FANCB: variants seen among roughly 807,000 people sequenced by gnomAD.
FANCB encodes the protein Fanconi anemia group B protein.
A neutral mutation model predicts 38.9 loss-of-function variants in FANCB; 5 were observed. That is an observed-to-expected ratio of 0.13 (90% CI 0.07 to 0.27). The LOEUF (loss-of-function observed/expected upper bound fraction) is 0.27. Among genes scored for constraint, FANCB ranks in the 10% least tolerant of loss-of-function variants. The pLI, the probability that FANCB is intolerant of heterozygous loss-of-function variation, is 1.00. For synonymous variants in FANCB, 236 were observed against 215.4 expected (o/e 1.10, Z -0.84); for missense variants, 573 against 602.7 (o/e 0.95, Z 0.52).
At chrX:14,847,073 G>A (rs888143120) in intron 7 of FANCB, among the ~76,000 whole-genome samples, 2 of 109,882 alleles carry the variant, frequency 1.8e-5, no homozygotes, top group East Asian at 5.7e-4. Flanking sequence ...TAATGCCTTT[G>A]AGTGCTTCAA....
the FANCB span, among the ~76,000 whole-genome samples, chrX:14,696,037 C>T: frequency 7.3e-5 from 8 of 109,691 alleles, no homozygotes; most frequent in African/African-American, 2.0e-4. Context: ...ACAGGTACTT[C>T]GGTTTAACTA....
chrX:14,864,864 G>A lies in FANCB; in HGVS notation c.647C>T (p.Ser216Phe). Residue 216 changes from serine to phenylalanine, a missense_variant, in exon 3 of 10, where the codon TCT (serine) becomes TTT (phenylalanine). By Grantham distance (155) the Ser-to-Phe change is radical. Transcript: ENST00000650831. ...AIWNTKFCVY[S>F]LESQEVLSDI... ...ACTTAATACTTCTTGACTTTCAAGA[G>A]AATATACACAAAATTTGGTATTCCA... 5 of 1,209,166 alleles carry A rather than the reference G, an allele frequency of 4.1e-6. No individual in the cohort carries two copies. Among genetic ancestry groups the A allele is most frequent in the Non-Finnish European group, 5.6e-6 (5 of 893,040 alleles).
the FANCB span, among the ~76,000 whole-genome samples, chrX:14,746,798 A>G: frequency 8.9e-6 from 1 of 112,100 alleles, no homozygotes; most frequent in Non-Finnish European, 1.9e-5. Flanking sequence ...TTGAGTATCA[A>G]ATGTGCCACT....
At chrX:14,811,063 A>C in the FANCB span, among the ~76,000 whole-genome samples, 1 of 111,272 alleles carries the variant, frequency 9.0e-6, no homozygotes, top group African/African-American at 3.3e-5. Context: ...ATCCAGCCAA[A>C]GTAAGCTTCA....
chrX:14,804,831 C>T, the FANCB span, among the ~76,000 whole-genome samples: 26 of 111,637 alleles, frequency 2.3e-4, no homozygotes, highest in African/African-American at 5.9e-4. Flanking sequence ...TGAATCCCTT[C>T]GTAGATTCTT....
chrX:14,799,755 G>T, the FANCB span, among the ~76,000 whole-genome samples: 3 of 111,986 alleles, frequency 2.7e-5, no homozygotes, highest in Non-Finnish European at 3.8e-5. Flanking sequence ...AATGTTAAAG[G>T]TACTTCTGAT....
At chrX:14,713,149 A>T in the FANCB span, among the ~76,000 whole-genome samples, 1 of 112,021 alleles carries the variant, frequency 8.9e-6, no homozygotes, top group Admixed American at 9.4e-5. Context: ...AGAATCATCC[A>T]AGTTAGTAAA....
chrX:14,793,316 A>G, the FANCB span, among the ~76,000 whole-genome samples: 350 of 112,320 alleles, frequency 3.1e-3, 1 homozygote, highest in African/African-American at 0.01. Flanking sequence ...AAGACCAGAT[A>G]TTGTATGGTT....
chrX:14,841,135 G>A (rs891973049), downstream of FANCB, among the ~76,000 whole-genome samples: 1 of 112,243 alleles, frequency 8.9e-6, no homozygotes, highest in African/African-American at 3.2e-5. Context: ...TAAGAATAGT[G>A]TTTATGTATC....
chrX:14,741,538 C>T, the FANCB span, among the ~76,000 whole-genome samples: 2 of 111,645 alleles, frequency 1.8e-5, no homozygotes, highest in Non-Finnish European at 3.8e-5. Flanking sequence ...CCCTTCTTTG[C>T]CTACTGACTC....
At chrX:14,692,211 A>T in the FANCB span, among the ~76,000 whole-genome samples, 2 of 112,095 alleles carry the variant, frequency 1.8e-5, no homozygotes, top group Non-Finnish European at 3.8e-5. Context: ...GATAAGGAAA[A>T]CAAGTAAACA....
the FANCB span, among the ~76,000 whole-genome samples, chrX:14,809,113 T>C: frequency 5.3e-5 from 6 of 112,257 alleles, no homozygotes; most frequent in Admixed American, 4.7e-4. Flanking sequence ...ATACTACCCA[T>C]AGCAATCTAT....
At chrX:14,812,622 T>C in the FANCB span, among the ~76,000 whole-genome samples, 1 of 108,926 alleles carries the variant, frequency 9.2e-6, no homozygotes, top group African/African-American at 3.4e-5. Context: ...CAGGAAGAAG[T>C]TGAGTCTCTG....
chrX:14,732,916 C>A, the FANCB span, among the ~76,000 whole-genome samples: 1 of 112,096 alleles, frequency 8.9e-6, no homozygotes, highest in African/African-American at 3.2e-5. Context: ...GCTTTTGTTG[C>A]CATTGCTTTT....
chrX:14,829,556 T>C, the FANCB span, among the ~76,000 whole-genome samples: 1 of 111,772 alleles, frequency 8.9e-6, no homozygotes, highest in African/African-American at 3.2e-5. Flanking sequence ...TTTGTGACCT[T>C]AGATCTTCCA....
the FANCB span, among the ~76,000 whole-genome samples, chrX:14,811,609 A>C: frequency 8.9e-6 from 1 of 112,226 alleles, no homozygotes; most frequent in Non-Finnish European, 1.9e-5. Context: ...TTCAACAAGA[A>C]GAGCTGACTA....
At chrX:14,730,932 AC>A in the FANCB span, 1 of 115,999 alleles carries the variant, frequency 8.6e-6, no homozygotes, top group Non-Finnish European at 1.7e-5. Flanking sequence ...ACACACACAC[AC>A]ACACACACAC....
At chrX:14,766,682 A>T in the FANCB span, among the ~76,000 whole-genome samples, 9 of 109,174 alleles carry the variant, frequency 8.2e-5, no homozygotes, top group African/African-American at 1.7e-4. Context: ...TTTTTTTTTT[A>T]AATTTTCTTC....
At chrX:14,823,675 T>C in the FANCB span, among the ~76,000 whole-genome samples, 4 of 112,303 alleles carry the variant, frequency 3.6e-5, no homozygotes, top group Non-Finnish European at 7.5e-5. Flanking sequence ...TTAATAATTA[T>C]TTGTTAAGGT....
Sources: gnomAD v4.1 joint callset for allele counts (sites outside exome capture counted in the v4.1 genomes callset) on GRCh38, gnomAD v4.1.1 for gene constraint, MANE v1.5 for transcripts, NCBI Gene and HGNC (gene_info 2026-07-23, HGNC 2026-07-21) for gene names.